MAGED1: variants seen among roughly 807,000 people sequenced by gnomAD.
MAGED1 encodes melanoma-associated antigen D1.
A neutral mutation model predicts 54.1 loss-of-function variants in MAGED1; 3 were observed. That is an observed-to-expected ratio of 0.06 (90% CI 0.03 to 0.14). The LOEUF is 0.14. MAGED1 is among the 10% of genes least tolerant of loss of function. MAGED1 has a pLI of 1.00. For missense variants in MAGED1, 485 were observed against 623.4 expected (o/e 0.78, Z 2.36); for synonymous variants, 217 against 227.3 (o/e 0.95, Z 0.41).
intron 1 of MAGED1, among the ~76,000 whole-genome samples, chrX:51,866,425 T>C (rs1927463962): frequency 8.9e-6 from 1 of 111,796 alleles, no homozygotes; most frequent in Non-Finnish European, 1.9e-5. Flanking sequence ...CAGCGAAAAG[T>C]TGCCATTTCT....
chrX:51,843,164 G>C, intron 1 of MAGED1, among the ~76,000 whole-genome samples: 1 of 111,881 alleles, frequency 8.9e-6, no homozygotes, highest in Middle Eastern at 4.6e-3. Context: ...ATGAGCCAGG[G>C]TGTGACTTCT....
intron 1 of MAGED1, among the ~76,000 whole-genome samples, chrX:51,884,569 G>A (rs917440040): frequency 8.9e-6 from 1 of 111,893 alleles, no homozygotes; most frequent in African/African-American, 3.2e-5. Flanking sequence ...GTTCAAAGAA[G>A]GATGAACAGC....
Position 51,859,352 on chromosome X carries a change from T to A in MAGED1, c.-36-34917T>A, listed in dbSNP as rs145184064. The stretch of plus-strand genomic sequence containing the variant: ...GTGTTACACTTGTGTTGTGATAGTA[T>A]TAATCACTTTAGATTATGGGGCTTC... On this transcript the variant is annotated intron_variant, in intron 1 of 12. Coordinates refer to the MAGED1 transcript ENST00000375772. 4.3e-3 allele frequency among the ~76,000 whole-genome samples: 482 copies of A among 112,087 alleles called. 1 individual carries two copies. The highest frequency in any genetic ancestry group is 0.015 in the African/African-American group (459 of 30,847).
intron 1 of MAGED1, among the ~76,000 whole-genome samples, chrX:51,809,462 A>G (rs1273331837): frequency 4.5e-5 from 5 of 111,670 alleles, no homozygotes; most frequent in Admixed American, 9.5e-5. Flanking sequence ...TCAAGAAACT[A>G]CGTCATTAGT....
At chrX:51,882,179 G>A (rs1451271101) in intron 1 of MAGED1, among the ~76,000 whole-genome samples, 1 of 111,545 alleles carries the variant, frequency 9.0e-6, no homozygotes, top group Non-Finnish European at 1.9e-5. Context: ...AAAAAGAAAG[G>A]GATGTTACTT....
At chrX:51,826,955 A>G (rs1557357009) in intron 1 of MAGED1, among the ~76,000 whole-genome samples, 1 of 112,677 alleles carries the variant, frequency 8.9e-6, no homozygotes, top group Non-Finnish European at 1.9e-5. Context: ...TTTATTCCTA[A>G]TTGCCAAAAT....
At chrX:51,886,343 A>T (rs1398789637) in intron 1 of MAGED1, among the ~76,000 whole-genome samples, 1 of 111,392 alleles carries the variant, frequency 9.0e-6, no homozygotes, top group African/African-American at 3.3e-5. Flanking sequence ...AGTTACCCTG[A>T]TGAGATCATT....
chrX:51,900,602 AT>A (rs1220850506), intron 11 of MAGED1, among the ~76,000 whole-genome samples: 7 of 111,092 alleles, frequency 6.3e-5, no homozygotes, highest in East Asian at 5.6e-4. Context: ...GTACAATGTA[AT>A]TTTTAAGTAT....
chrX:51,831,707 G>A (rs2146964416), intron 1 of MAGED1, among the ~76,000 whole-genome samples: 1 of 111,125 alleles, frequency 9.0e-6, no homozygotes, highest in South Asian at 3.8e-4. Context: ...TTGTTGTTTG[G>A]GCATTGGAAG....
rs782148906 is a variant in MAGED1 at position 51,901,622 on chromosome X, C to T, written c.2029C>T (p.Leu677=). The T allele has an allele frequency of 7.0e-5, 84 of 1,206,040 alleles. No individual in the cohort carries two copies. Among genetic ancestry groups the T allele is most frequent in the Non-Finnish European group, 8.8e-5 (79 of 893,374 alleles). Residue 677 remains leucine, a synonymous_variant, in exon 12 of 13, where the codon CTG becomes TTG. Coordinates refer to ENST00000326587, the MANE Select transcript of MAGED1 (RefSeq NM_006986.4). ...MEAADEALDA[L]DAAAAEAEAR... Reference sequence around the variant, plus strand: ...GGCTGCAGATGAGGCCTTGGATGCTCTGGATGCTGCTGCAGCTGAGGCCGA... The same window carrying T: ...GGCTGCAGATGAGGCCTTGGATGCTTTGGATGCTGCTGCAGCTGAGGCCGA...
chrX:51,810,752 G>A (rs782346750), intron 1 of MAGED1, among the ~76,000 whole-genome samples: 1 of 111,631 alleles, frequency 9.0e-6, no homozygotes, highest in Non-Finnish European at 1.9e-5. Flanking sequence ...ATACTGGTGA[G>A]TAAATGAGGT....
In MAGED1 at chrX:51,880,666, G is replaced by A. The variant is rs1557362410; in HGVS notation, c.-36-13603G>A. Among the ~76,000 whole-genome samples the A allele has an allele frequency of 2.7e-5, 3 of 111,490 alleles. No homozygotes were observed. The Admixed American group carries it at 2.9e-4, about 11-fold the overall frequency. ...GCTCTTATAGTAGAAAACCACGGTG[G>A]TCTTATCTCAAGGCCAGAGTGAGAT... On this transcript the variant is annotated intron_variant, in intron 1 of 12. Transcript: ENST00000375772.
chrX:51,859,730 A>G (rs2146985869), intron 1 of MAGED1, among the ~76,000 whole-genome samples: 1 of 111,626 alleles, frequency 9.0e-6, no homozygotes, highest in South Asian at 3.8e-4. Flanking sequence ...GGATCCTTAT[A>G]AGAGAGAGGC....
intron 1 of MAGED1, among the ~76,000 whole-genome samples, chrX:51,874,590 T>A (rs1927802404): frequency 8.9e-6 from 1 of 111,754 alleles, no homozygotes; most frequent in Admixed American, 9.5e-5. Flanking sequence ...TCTCAAATAT[T>A]ACAGTTTTTA....
chrX:51,806,262 G>A lies in MAGED1; in HGVS notation c.-37+3145G>A, dbSNP rs782231954. 2.6e-3 allele frequency among the ~76,000 whole-genome samples: 288 copies of A among 111,019 alleles called. 1 individual carries two copies. The highest frequency in any genetic ancestry group is 9.0e-3 in the African/African-American group (277 of 30,652). On this transcript the variant is annotated intron_variant, in intron 1 of 12. Coordinates refer to the MAGED1 transcript ENST00000375772. ...GCTGGGATTACAGGCGTGAGCCACC[G>A]CGCCCGGCCAGCTCAAAGCATTCTC...
chrX:51,894,789 G>T, intron 2 of MAGED1: 1 of 1,142,492 alleles, frequency 8.8e-7, no homozygotes, highest in Non-Finnish European at 1.2e-6. Flanking sequence ...AGCGTCCCCG[G>T]CTCCTGTTCG....
At chrX:51,869,582 G>T (rs1363765819) in intron 1 of MAGED1, among the ~76,000 whole-genome samples, 1 of 110,637 alleles carries the variant, frequency 9.0e-6, no homozygotes, top group African/African-American at 3.3e-5. Context: ...AAGAGACAGG[G>T]TATCCGCCGG....
intron 1 of MAGED1, among the ~76,000 whole-genome samples, chrX:51,835,181 C>G (rs1926202266): frequency 9.0e-6 from 1 of 111,591 alleles, no homozygotes; most frequent in East Asian, 2.8e-4. Flanking sequence ...CCCAATAAAG[C>G]TGTTTAAGTT....
intron 1 of MAGED1, chrX:51,870,664 T>C (rs368823820): frequency 1.2e-4 from 13 of 112,305 alleles, no homozygotes; most frequent in African/African-American, 3.9e-4. Flanking sequence ...CAAAGTGATA[T>C]CTTTTCCAGT....
Sources: allele counts gnomAD v4.1 joint callset (sites outside exome capture counted in the v4.1 genomes callset), GRCh38; gene constraint gnomAD v4.1.1; transcripts MANE v1.5; gene names NCBI Gene and HGNC (gene_info 2026-07-23, HGNC 2026-07-21).